The following NUP214 variants were observed in gnomAD, a reference collection of about 807,000 sequenced individuals.
NUP214 encodes the protein nuclear pore complex protein Nup214.
In NUP214, 79 loss-of-function variants were observed where a neutral mutation model predicts 196.2. The ratio of observed to expected loss-of-function variants is 0.40; its 90% CI spans 0.34 to 0.49. The LOEUF (loss-of-function observed/expected upper bound fraction) is 0.49. Ranked by LOEUF, NUP214 falls within the 20% of genes least tolerant of loss-of-function variation. The probability of loss-of-function intolerance (pLI) is 0.58; values close to 1 mark genes in which losing one functional copy is unlikely to be tolerated. For missense variants in NUP214, 2,468 were observed against 2,539.0 expected, an observed-to-expected ratio of 0.97 and a Z score of 0.60; for synonymous variants, 1,020 against 990.5, an observed-to-expected ratio of 1.03 and a Z score of -0.56.
chr9:131,229,234 TCCGTG>T (rs1834805226), intron 33 of NUP214: 1 of 157,598 alleles, frequency 6.3e-6, no homozygotes. Flanking sequence ...ACCCTTCCCC[TCCGTG>T]CAAGATGCTG....
At chr9:131,223,944 C>T (rs1053614393) in intron 32 of NUP214, among the ~76,000 whole-genome samples, 2 of 150,370 alleles carry the variant, frequency 1.3e-5, no homozygotes, top group Non-Finnish European at 3.0e-5. Flanking sequence ...CCGTGTTAGC[C>T]AGGATGGTCT....
At chr9:131,143,934 C>G (rs1429900022) in intron 11 of NUP214, among the ~76,000 whole-genome samples, 2 of 151,958 alleles carry the variant, frequency 1.3e-5, no homozygotes, top group African/African-American at 4.8e-5. Flanking sequence ...GTGTATTTAT[C>G]TGGAATTACT....
At position 131,232,421 on chromosome 9, in the gene NUP214, A is replaced by T. The variant is rs1469419463; in HGVS notation, c.6239+113A>T. 8.6e-7 allele frequency: 1 copy of T among 1,167,232 alleles called. No homozygotes were observed. The highest frequency in any genetic ancestry group is 1.5e-5 in the African/African-American group (1 of 65,710). 72.3% of individuals were successfully genotyped at this position (1,167,232 alleles called of 1,614,324 possible). ...TCTTTTCGTTTTTTCCTGTTTTTAGAGTTTGTCCTGGAAGTGTGGGGGTTC... is the reference window on the plus strand; with the variant it reads ...TCTTTTCGTTTTTTCCTGTTTTTAGTGTTTGTCCTGGAAGTGTGGGGGTTC... On this transcript the variant is annotated intron_variant, in intron 35 of 35. Transcript: ENST00000359428. The surrounding 1 kb of genome is among the most constrained non-coding windows in gnomAD (Gnocchi z 5.1).
intron 24 of NUP214, among the ~76,000 whole-genome samples, chr9:131,182,051 A>AC (rs1319974988): frequency 3.9e-5 from 6 of 152,252 alleles, no homozygotes; most frequent in African/African-American, 1.4e-4. Flanking sequence ...TCCCAGCACC[A>AC]CAACATATCT....
chr9:131,161,882 T>C (rs1379917092), intron 18 of NUP214, among the ~76,000 whole-genome samples: 4 of 152,202 alleles, frequency 2.6e-5, no homozygotes, highest in African/African-American at 9.6e-5. Flanking sequence ...AGCCTGTTGC[T>C]CCTAGACCAC....
At chr9:131,212,096 G>A (rs1834259795) in intron 30 of NUP214, among the ~76,000 whole-genome samples, 1 of 152,202 alleles carries the variant, frequency 6.6e-6, no homozygotes, top group Admixed American at 6.5e-5. Flanking sequence ...CTCTAGGAGT[G>A]TCTGTCTTAC....
At chr9:131,224,317 C>T (rs1397010634) in intron 32 of NUP214, among the ~76,000 whole-genome samples, 1 of 151,752 alleles carries the variant, frequency 6.6e-6, no homozygotes, top group South Asian at 2.1e-4. Context: ...CCTCTCCACC[C>T]TGTTTCTGTC....
chr9:131,202,392 C>A (rs1340884060), intron 30 of NUP214, among the ~76,000 whole-genome samples: 1 of 152,040 alleles, frequency 6.6e-6, no homozygotes, highest in Non-Finnish European at 1.5e-5. Flanking sequence ...TGTGTACACA[C>A]ACACACACAC....
chr9:131,219,151 C>G (rs1834485341), intron 31 of NUP214, among the ~76,000 whole-genome samples: 1 of 152,132 alleles, frequency 6.6e-6, no homozygotes, highest in South Asian at 2.1e-4. Context: ...CGTGAGCTAA[C>G]CACTTCTTAC....
Position 131,232,580 on chromosome 9 carries a change from A to G in NUP214, c.6239+272A>G. The stretch of plus-strand genomic sequence containing the variant: ...CTGCCAGTGAGCTGGGCCTGAGGGC[A>G]GCGCTGAGGAGATGCTGCTCCTGAC... On this transcript the variant is annotated intron_variant, in intron 35 of 35. Transcript: ENST00000359428. This position sits in a 1 kb window ranked among gnomAD's most constrained non-coding sequence, Gnocchi z 5.1. The G allele has an allele frequency of 1.8e-6, 1 of 544,544 alleles. No individual in the cohort carries two copies. Among genetic ancestry groups the G allele is most frequent in the Non-Finnish European group, 3.3e-6 (1 of 303,086 alleles). 33.7% of individuals were successfully genotyped at this position (544,544 alleles called of 1,614,324 possible).
intron 34 of NUP214, among the ~76,000 whole-genome samples, chr9:131,231,188 C>CATAT (rs35184563): frequency 5.5e-4 from 81 of 147,878 alleles, no homozygotes; most frequent in East Asian, 1.8e-3. Flanking sequence ...GTGGTTGAAA[C>CATAT]ATATATATAT....
intron 17 of NUP214, 76 bp downstream of exon 17, chr9:131,151,970 T>C (rs1832282797): frequency 8.6e-7 from 1 of 1,159,866 alleles, no homozygotes; most frequent in South Asian, 1.8e-5. Context: ...TTTTTGCATA[T>C]AGATTTGGAT....
Position 131,204,217 on chromosome 9 carries a change from A to C in NUP214, c.5592+2500A>C, listed in dbSNP as rs1284200454. ...ACTGTAAATCAGCTGGGGCTTACAGAGTTTAGAAGAAATCAAAGACAAACT... is the reference window on the plus strand; with the variant it reads ...ACTGTAAATCAGCTGGGGCTTACAGCGTTTAGAAGAAATCAAAGACAAACT... On this transcript the variant is annotated intron_variant, in intron 30 of 35. Coordinates refer to ENST00000359428, the MANE Select transcript of NUP214 (RefSeq NM_005085.4). 2.6e-5 allele frequency among the ~76,000 whole-genome samples: 4 copies of C among 152,234 alleles called. No individual in the cohort carries two copies. In the East Asian group the frequency reaches 7.7e-4, roughly 29 times the overall value.
chr9:131,171,516 G>GT (rs1393683514), intron 21 of NUP214, among the ~76,000 whole-genome samples: 1 of 149,594 alleles, frequency 6.7e-6, no homozygotes, highest in African/African-American at 2.5e-5. Flanking sequence ...GCTTAAAACA[G>GT]TACCTAGTTG....
chr9:131,193,999 A>G (rs761550606), intron 27 of NUP214: 7 of 151,086 alleles, frequency 4.6e-5, no homozygotes, highest in Non-Finnish European at 8.8e-5. Flanking sequence ...CATTGAATCA[A>G]TGGCTTGACA....
Position 131,146,073 on chromosome 9 carries a change from G to C in NUP214, c.1770-56G>C. The C allele has an allele frequency of 6.7e-7, 1 of 1,486,310 alleles. No individual in the cohort carries two copies. 92.1% of individuals were successfully genotyped at this position (1,486,310 alleles called of 1,614,324 possible). ...TCTTTTGATGACATTGCTCATGCTA[G>C]TGTAAAAGAATCTTCTAGCAGGCTC... On this transcript the variant is annotated intron_variant, in intron 12 of 35. Coordinates refer to ENST00000359428, the MANE Select transcript of NUP214 (RefSeq NM_005085.4). This position sits in a 1 kb window ranked among gnomAD's most constrained non-coding sequence, Gnocchi z 4.6.
At chr9:131,229,464 TAGA>T (rs1410508419) in intron 33 of NUP214, 3 of 334,590 alleles carry the variant, frequency 9.0e-6, no homozygotes, top group Non-Finnish European at 1.7e-5. Context: ...ACAGAGTTGG[TAGA>T]AGGTTTGGGT....
In NUP214 at chr9:131,215,346, C is replaced by T; in HGVS notation, c.5727C>T (p.Gly1909=). ...NKNPFSSASG[G]FGSTATSNTS... is the part of the protein sequence containing the mutation. Reference sequence around the variant, plus strand: ...ACCCATTCAGCTCGGCCAGTGGGGGCTTTGGATCCACAGCTACCTCAAGTA... The same window carrying T: ...ACCCATTCAGCTCGGCCAGTGGGGGTTTTGGATCCACAGCTACCTCAAGTA... Residue 1909 remains glycine (G), a synonymous_variant, in exon 31 of 36, where the codon GGC becomes GGT. Coordinates refer to ENST00000359428, the MANE Select transcript of NUP214 (RefSeq NM_005085.4). The T allele has an allele frequency of 6.3e-7, 1 of 1,599,736 alleles. No homozygotes were observed. Among genetic ancestry groups the T allele is most frequent in the Non-Finnish European group, 8.5e-7 (1 of 1,173,236 alleles).
intron 19 of NUP214, 69 bp from the exon 20 acceptor site, chr9:131,163,801 A>G: frequency 1.9e-6 from 2 of 1,059,106 alleles, no homozygotes; most frequent in Non-Finnish European, 2.9e-6. Context: ...TTAAGAGGAT[A>G]GTGTACCCCC....
Sources: gnomAD v4.1 joint callset for allele counts (sites outside exome capture counted in the v4.1 genomes callset) on GRCh38, gnomAD v4.1.1 for gene constraint, Gnocchi (gnomAD v3.1) non-coding constraint, MANE v1.5 for transcripts, NCBI Gene and HGNC (gene_info 2026-07-23, HGNC 2026-07-21) for gene names.